Variants in CCDC3 observed in about 807,000 individuals in gnomAD.
CCDC3 encodes coiled-coil domain-containing protein 3.
CCDC3 carries 24 observed loss-of-function variants against 21.4 expected under a neutral mutation model. That is an observed-to-expected ratio of 1.12 (90% CI 0.81 to 1.58). The LOEUF (loss-of-function observed/expected upper bound fraction) is 1.58, where lower values mean the gene tolerates loss of function less well. Ranked by LOEUF, CCDC3 falls within the 40% of genes most tolerant of loss-of-function variation. The pLI, the probability that CCDC3 is intolerant of heterozygous loss-of-function variation, is 0.00. For synonymous variants in CCDC3, 186 were observed against 166.0 expected (o/e 1.12, Z -0.93); for missense variants, 425 against 360.9 (o/e 1.18, Z -1.44).
chr10:12,900,063 C>T (rs2131192403), intron 2 of CCDC3, among the ~76,000 whole-genome samples: 1 of 152,244 alleles, frequency 6.6e-6, no homozygotes, highest in East Asian at 1.9e-4. Flanking sequence ...CCCCTGAACA[C>T]TCTATTGCCT....
chr10:13,012,304 G>T (rs962593653), intron 5 of CCDC3, among the ~76,000 whole-genome samples: 4 of 152,076 alleles, frequency 2.6e-5, no homozygotes, highest in African/African-American at 7.2e-5. Context: ...TCTAATAAAG[G>T]TCTAATATCC....
intron 2 of CCDC3, among the ~76,000 whole-genome samples, chr10:12,941,615 A>G (rs185966902): frequency 1.3e-3 from 191 of 152,314 alleles, no homozygotes; most frequent in African/African-American, 4.3e-3. Flanking sequence ...TGACCAAGAA[A>G]AGATTAAGAT....
At chr10:12,923,668 C>T (rs1834489577) in intron 2 of CCDC3, among the ~76,000 whole-genome samples, 1 of 152,198 alleles carries the variant, frequency 6.6e-6, no homozygotes, top group South Asian at 2.1e-4. Context: ...TCATTTCTAT[C>T]CTTTTTTCAC....
At chr10:12,922,457 A>C (rs1834467478) in intron 2 of CCDC3, among the ~76,000 whole-genome samples, 1 of 152,154 alleles carries the variant, frequency 6.6e-6, no homozygotes, top group African/African-American at 2.4e-5. Context: ...CCCAACCCCC[A>C]GAAACCTATT....
chr10:13,015,509 CAT>C (rs1006137925), intron 5 of CCDC3, among the ~76,000 whole-genome samples: 33 of 152,064 alleles, frequency 2.2e-4, no homozygotes, highest in African/African-American at 7.5e-4. Flanking sequence ...GAGGATGCCA[CAT>C]GTTTCACTCA....
intron 4 of CCDC3, among the ~76,000 whole-genome samples, chr10:13,050,601 G>A (rs895629318): frequency 9.3e-5 from 14 of 150,244 alleles, no homozygotes; most frequent in African/African-American, 3.4e-4. Context: ...GCTAGGATTA[G>A]AGGAACACGC....
Sources: gnomAD v4.1 joint callset for allele counts (sites outside exome capture counted in the v4.1 genomes callset) on GRCh38, gnomAD v4.1.1 for gene constraint, MANE v1.5 for transcripts, NCBI Gene and HGNC (gene_info 2026-07-23, HGNC 2026-07-21) for gene names.